Variants in SCHIP1 observed in about 807,000 individuals in gnomAD.
SCHIP1 encodes schwannomin interacting protein 1, also known as schwannomin-interacting protein 1.
Under a neutral mutation model 29.7 loss-of-function variants are expected in SCHIP1, and 8 were observed. The observed-to-expected ratio is 0.27, with a 90% confidence interval of 0.16 to 0.49. The LOEUF (loss-of-function observed/expected upper bound fraction) is 0.49. Among genes scored for constraint, SCHIP1 ranks in the 20% least tolerant of loss-of-function variants. The pLI, the probability that SCHIP1 is intolerant of heterozygous loss-of-function variation, is 0.99. For synonymous variants in SCHIP1, 76 were observed against 94.9 expected, an observed-to-expected ratio of 0.80 and a Z score of 1.16; for missense variants, 193 against 294.6, an observed-to-expected ratio of 0.66 and a Z score of 2.52.
At chr3:159,682,825 C>G in the SCHIP1 span, among the ~76,000 whole-genome samples, 1 of 152,146 alleles carries the variant, frequency 6.6e-6, no homozygotes, top group Non-Finnish European at 1.5e-5. Flanking sequence ...TCCACTGATG[C>G]CTTCAATGTA....
intron 2 of SCHIP1, among the ~76,000 whole-genome samples, chr3:159,876,715 C>T (rs980267149): frequency 2.6e-5 from 4 of 152,154 alleles, no homozygotes; most frequent in African/African-American, 9.7e-5. Flanking sequence ...TTTGGACATA[C>T]GCTTTTATCA....
chr3:159,725,374 A>G, the SCHIP1 span, among the ~76,000 whole-genome samples: 1 of 149,214 alleles, frequency 6.7e-6, no homozygotes, highest in Non-Finnish European at 1.5e-5. Flanking sequence ...GGTTCAAGAG[A>G]TTCTCCTGCC....
the SCHIP1 span, among the ~76,000 whole-genome samples, chr3:159,361,073 G>T: frequency 6.6e-6 from 1 of 152,068 alleles, no homozygotes; most frequent in Non-Finnish European, 1.5e-5. Flanking sequence ...AGACCAAAAC[G>T]GACCAAAATT....
the SCHIP1 span, among the ~76,000 whole-genome samples, chr3:159,674,994 C>G: frequency 6.6e-6 from 1 of 152,176 alleles, no homozygotes; most frequent in Non-Finnish European, 1.5e-5. Flanking sequence ...TACATTGGAC[C>G]AGGAAGGCTC....
At chr3:159,670,377 T>C in the SCHIP1 span, among the ~76,000 whole-genome samples, 1 of 152,208 alleles carries the variant, frequency 6.6e-6, no homozygotes, top group Non-Finnish European at 1.5e-5. Context: ...AAGAGCTCTT[T>C]CATTGCACTT....
the SCHIP1 span, among the ~76,000 whole-genome samples, chr3:159,587,185 T>C: frequency 1.6e-4 from 25 of 152,220 alleles, no homozygotes; most frequent in Admixed American, 3.9e-4. Context: ...CAGTTCGTAA[T>C]TTTTAAGAGC....
At chr3:159,461,089 T>C in the SCHIP1 span, among the ~76,000 whole-genome samples, 1 of 152,084 alleles carries the variant, frequency 6.6e-6, no homozygotes, top group African/African-American at 2.4e-5. Flanking sequence ...GAGACACTGA[T>C]CTCTGGGGTC....
At chr3:159,409,024 G>A in the SCHIP1 span, among the ~76,000 whole-genome samples, 2 of 152,038 alleles carry the variant, frequency 1.3e-5, no homozygotes, top group African/African-American at 4.8e-5. Flanking sequence ...TCAACAGAAT[G>A]AAAGACAAAA....
chr3:159,734,294 C>A, the SCHIP1 span, among the ~76,000 whole-genome samples: 1 of 151,800 alleles, frequency 6.6e-6, no homozygotes, highest in Admixed American at 6.5e-5. Context: ...AGACACGTGC[C>A]ACCATGCCCA....
chr3:159,408,060 A>G, the SCHIP1 span, among the ~76,000 whole-genome samples: 2 of 152,180 alleles, frequency 1.3e-5, no homozygotes, highest in African/African-American at 2.4e-5. Flanking sequence ...GCACTTTGGG[A>G]AGCCGAGGCA....
chr3:159,622,812 G>A, the SCHIP1 span, among the ~76,000 whole-genome samples: 1 of 152,100 alleles, frequency 6.6e-6, no homozygotes, highest in African/African-American at 2.4e-5. Flanking sequence ...TAGCTACTAG[G>A]CAGGCAGAGG....
the SCHIP1 span, among the ~76,000 whole-genome samples, chr3:159,542,292 T>C: frequency 6.6e-6 from 1 of 152,092 alleles, no homozygotes; most frequent in East Asian, 1.9e-4. Flanking sequence ...GACATATGTA[T>C]ACAGTGTGAA....
chr3:159,366,506 C>A, the SCHIP1 span, among the ~76,000 whole-genome samples: 2 of 152,036 alleles, frequency 1.3e-5, no homozygotes, highest in Admixed American at 1.3e-4. Flanking sequence ...ACTTAAAACT[C>A]CCTACCATTC....
the SCHIP1 span, among the ~76,000 whole-genome samples, chr3:159,384,163 G>A: frequency 1.3e-5 from 2 of 151,122 alleles, no homozygotes; most frequent in Admixed American, 6.6e-5. Flanking sequence ...GGAGTGGTGA[G>A]AGAGGGCATC....
At chr3:159,813,676 A>C in the SCHIP1 span, among the ~76,000 whole-genome samples, 1 of 150,996 alleles carries the variant, frequency 6.6e-6, no homozygotes, top group Non-Finnish European at 1.5e-5. Flanking sequence ...CAACAGAGTG[A>C]GACGCTATCT....
chr3:159,576,169 C>T, the SCHIP1 span, among the ~76,000 whole-genome samples: 3 of 152,104 alleles, frequency 2.0e-5, no homozygotes, highest in Non-Finnish European at 4.4e-5. Context: ...TGCTAATTAT[C>T]CTGATTTGAT....
the SCHIP1 span, among the ~76,000 whole-genome samples, chr3:159,513,668 T>C: frequency 2.0e-5 from 3 of 151,972 alleles, no homozygotes; most frequent in African/African-American, 7.2e-5. Context: ...AATGGCTTGA[T>C]TGAAGGGAGA....
At chr3:159,391,483 G>T in the SCHIP1 span, among the ~76,000 whole-genome samples, 1 of 152,020 alleles carries the variant, frequency 6.6e-6, no homozygotes, top group Admixed American at 6.6e-5. Context: ...ATATCTAGGC[G>T]CAGTGGGGCA....
At chr3:159,864,770 C>T (rs1714442114) in intron 1 of SCHIP1, among the ~76,000 whole-genome samples, 1 of 152,150 alleles carries the variant, frequency 6.6e-6, no homozygotes, top group Non-Finnish European at 1.5e-5. Context: ...TCTTGGGAAC[C>T]ACTGTCTTAG....
Sources: allele counts gnomAD v4.1 joint callset (sites outside exome capture counted in the v4.1 genomes callset), GRCh38; gene constraint gnomAD v4.1.1; transcripts MANE v1.5; gene names NCBI Gene and HGNC (gene_info 2026-07-23, HGNC 2026-07-21).